The following CNNM3 variants were observed in gnomAD, a reference collection of about 807,000 sequenced individuals.
CNNM3 encodes cyclin and CBS domain divalent metal cation transport mediator 3.
CNNM3 carries 47 observed loss-of-function variants against 57.1 expected under a neutral mutation model. The observed-to-expected ratio is 0.82, with a 90% confidence interval of 0.65 to 1.05. The LOEUF is 1.05. CNNM3 is among the 50% of genes least tolerant of loss of function. The pLI is 0.00. For synonymous variants in CNNM3, 507 were observed against 478.2 expected (o/e 1.06, Z -0.79); for missense variants, 957 against 973.7 (o/e 0.98, Z 0.23).
At chr2:96,831,560 T>C (rs1277224995) in intron 7 of CNNM3, among the ~76,000 whole-genome samples, 1 of 152,246 alleles carries the variant, frequency 6.6e-6, no homozygotes, top group Non-Finnish European at 1.5e-5. Context: ...GTTTGTAGAT[T>C]GCTATGGCTG....
chr2:96,828,666 C>T lies in CNNM3; in HGVS notation c.1886C>T (p.Thr629Ile). The T allele has an allele frequency of 1.2e-6, 2 of 1,614,180 alleles. No homozygotes were observed. The highest frequency in any genetic ancestry group is 1.3e-5 in the African/African-American group (1 of 75,060). ...TCATCTGCGTATTGTCCCGACTACA[C>T]CGTGAGGGCGCTCTCTGATCTGCAG... ...THSSAYCPDY[T>I]VRALSDLQLI... Residue 629 changes from threonine to isoleucine, a missense_variant, in exon 6 of 8, where the codon ACC (threonine) becomes ATC (isoleucine). Physicochemically the swap from Thr to Ile is moderately conservative, Grantham distance 89. Coordinates refer to ENST00000305510, the MANE Select transcript of CNNM3 (RefSeq NM_017623.5).
chr2:96,835,502 T>G (rs917562080), downstream of CNNM3, among the ~76,000 whole-genome samples: 2 of 148,464 alleles, frequency 1.3e-5, no homozygotes, highest in African/African-American at 5.1e-5. Flanking sequence ...GGAGTCTCAC[T>G]CTTTTGCCCA....
intron 2 of CNNM3, among the ~76,000 whole-genome samples, 183 bp from the exon 3 acceptor site, chr2:96,826,650 G>T (rs2079510645): frequency 1.3e-5 from 2 of 152,214 alleles, no homozygotes; most frequent in Non-Finnish European, 2.9e-5. Context: ...TCTCTGTGTG[G>T]TTGGGGTGGG....
At chr2:96,827,064 C>G (rs1355029221) in intron 3 of CNNM3, 82 bp downstream of exon 3, 2 of 1,477,872 alleles carry the variant, frequency 1.4e-6, no homozygotes, top group African/African-American at 1.4e-5. Flanking sequence ...GACACTGACT[C>G]TGCTCCCCAC....
At chr2:96,818,903 C>T (rs753384019) in intron 1 of CNNM3, among the ~76,000 whole-genome samples, 8 of 152,302 alleles carry the variant, frequency 5.3e-5, no homozygotes, top group Admixed American at 2.6e-4. Context: ...TTTCTGGCAC[C>T]GTCTGTTGAG....
At chr2:96,835,749 G>A (rs977906325), downstream of CNNM3, among the ~76,000 whole-genome samples, 2 of 152,316 alleles carry the variant, frequency 1.3e-5, no homozygotes, top group Non-Finnish European at 2.9e-5. Context: ...TTACAGGCGT[G>A]AGCCACCGCA....
rs746536994 is a variant in CNNM3 at position 96,817,238 on chromosome 2, C to T, written c.961C>T (p.Leu321Phe). Residue 321 changes from leucine to phenylalanine, a missense_variant, in exon 1 of 8, where the codon CTC (leucine) becomes TTC (phenylalanine). Physicochemically the swap from Leu to Phe is conservative, Grantham distance 22 (BLOSUM62 0). Transcript: ENST00000305510. ...GACCGTGGAGGACGTGCTCACGCCCCTCGAAGACTGCTTCATGCTGGACGC... is the reference window on the plus strand; with the variant it reads ...GACCGTGGAGGACGTGCTCACGCCCTTCGAAGACTGCTTCATGCTGGACGC... ...CRTVEDVLTP[L>F]EDCFMLDAST... The T allele has an allele frequency of 3.7e-6, 6 of 1,607,664 alleles. No individual in the cohort carries two copies. The South Asian group carries it at 4.4e-5, about 12-fold the overall frequency.
In CNNM3 at chr2:96,818,378, C is replaced by T. The variant is rs554176643; in HGVS notation, c.1225+876C>T. Among the ~76,000 whole-genome samples the T allele has an allele frequency of 9.4e-5, 14 of 148,356 alleles. No individual in the cohort carries two copies. In the East Asian group the frequency reaches 2.3e-3, roughly 25 times the overall value. Reference sequence around the variant, plus strand: ...GATTGCAGGCGTGAGCCACTGTGCCCGGCCCTTTTTTTTTTTTTTTTGCTT... The same window carrying T: ...GATTGCAGGCGTGAGCCACTGTGCCTGGCCCTTTTTTTTTTTTTTTTGCTT... On this transcript the variant is annotated intron_variant, in intron 1 of 7. Transcript: ENST00000305510.
chr2:96,832,793 C>A lies in CNNM3; in HGVS notation c.*177C>A. 1 of 1,499,454 alleles carries A rather than the reference C, an allele frequency of 6.7e-7. No individual in the cohort carries two copies. The allele number at this position is 1,499,454 out of a possible 1,614,324, so 92.9% of individuals were successfully genotyped here. On this transcript the variant is annotated 3_prime_UTR_variant, in exon 8 of 8. Transcript: ENST00000305510. ...ACTAGACATCAATGCCTGGATCCTT[C>A]AGCCGGCCCTGCCCTCCTTTAGGAG... is the stretch of plus-strand genomic sequence containing the variant.
intron 1 of CNNM3, among the ~76,000 whole-genome samples, chr2:96,819,602 C>T (rs888071068): frequency 1.2e-4 from 18 of 152,132 alleles, no homozygotes; most frequent in African/African-American, 4.3e-4. Flanking sequence ...CACCAGACTT[C>T]CTTTTTTTTA....
intron 7 of CNNM3, 112 bp from the exon 8 acceptor site, chr2:96,832,440 C>G: frequency 3.2e-6 from 5 of 1,562,026 alleles, no homozygotes; most frequent in Non-Finnish European, 4.3e-6. Context: ...CAAGGCATCC[C>G]GAAGCACCTG....
intron 1 of CNNM3, among the ~76,000 whole-genome samples, chr2:96,824,018 T>C (rs2079452379): frequency 6.6e-6 from 1 of 152,274 alleles, no homozygotes; most frequent in Non-Finnish European, 1.5e-5. Context: ...ATTGGGTTAC[T>C]TACAATATAT....
downstream of CNNM3, among the ~76,000 whole-genome samples, chr2:96,835,774 G>A (rs2079683134): frequency 6.6e-6 from 1 of 152,106 alleles, no homozygotes; most frequent in Non-Finnish European, 1.5e-5. Context: ...GCCACAAACT[G>A]TCAAACTCAT....
chr2:96,821,472 G>C (rs2079405300), intron 1 of CNNM3, among the ~76,000 whole-genome samples: 1 of 152,080 alleles, frequency 6.6e-6, no homozygotes, highest in South Asian at 2.1e-4. Flanking sequence ...GTCTGCTAGG[G>C]AACTTTGTAG....
At chr2:96,818,077 A>T (rs1226968420) in intron 1 of CNNM3, among the ~76,000 whole-genome samples, 1 of 152,092 alleles carries the variant, frequency 6.6e-6, no homozygotes, top group Non-Finnish European at 1.5e-5. Flanking sequence ...CTTTCACCAA[A>T]AGTAACTCCA....
chr2:96,836,232 C>T (rs9789421), downstream of CNNM3, among the ~76,000 whole-genome samples: 33,972 of 148,568 alleles, frequency 0.23, 5,618 homozygotes, highest in South Asian at 0.68. Context: ...ATCACCACAC[C>T]CAGCTAATTT....
chr2:96,817,603 G>A, intron 1 of CNNM3, 101 bp downstream of exon 1: 1 of 1,141,196 alleles, frequency 8.8e-7, no homozygotes, highest in Non-Finnish European at 1.3e-6. Flanking sequence ...TCCCACCCCT[G>A]TGGAGAGCAG....
At chr2:96,835,469 C>CTT (rs535208227), downstream of CNNM3, among the ~76,000 whole-genome samples, 274 of 137,556 alleles carry the variant, frequency 2.0e-3, 3 homozygotes, top group Middle Eastern at 0.012. Flanking sequence ...AACAATCAAA[C>CTT]TTTTTTTTTT....
intron 7 of CNNM3, among the ~76,000 whole-genome samples, chr2:96,831,597 G>A (rs1455936895): frequency 6.6e-6 from 1 of 152,256 alleles, no homozygotes; most frequent in Non-Finnish European, 1.5e-5. Context: ...GTGGAGCTGA[G>A]TAGCTGTGAC....
Sources: allele counts gnomAD v4.1 joint callset (sites outside exome capture counted in the v4.1 genomes callset), GRCh38; gene constraint gnomAD v4.1.1; transcripts MANE v1.5; gene names NCBI Gene and HGNC (gene_info 2026-07-23, HGNC 2026-07-21).